DLG2: variants seen among roughly 807,000 people sequenced by gnomAD.
The protein encoded by DLG2 is discs large MAGUK scaffold protein 2, also known as disks large homolog 2.
DLG2 carries 45 observed loss-of-function variants against 132.5 expected under a neutral mutation model. The observed-to-expected ratio is 0.34, with a 90% CI of 0.27 to 0.44. DLG2 has a LOEUF of 0.44. Among genes scored for constraint, DLG2 ranks in the 20% least tolerant of loss-of-function variants. The pLI, the probability that DLG2 is intolerant of heterozygous loss-of-function variation, is 1.00. For missense variants in DLG2, 1,045 were observed against 1,196.9 expected (o/e 0.87, Z 1.87); for synonymous variants, 424 against 419.6 (o/e 1.01, Z -0.13).
intron 6 of DLG2, among the ~76,000 whole-genome samples, chr11:85,089,547 G>A (rs1412293535): frequency 6.6e-6 from 1 of 152,098 alleles, no homozygotes; most frequent in Non-Finnish European, 1.5e-5. Flanking sequence ...ACACCTAGGT[G>A]GATTCCGTGC....
intron 3 of DLG2, among the ~76,000 whole-genome samples, chr11:85,377,000 A>G (rs1217045668): frequency 6.6e-6 from 1 of 152,174 alleles, no homozygotes; most frequent in African/African-American, 2.4e-5. Flanking sequence ...TAATTCTCAA[A>G]CAACTCCATG....
At chr11:83,716,588 G>A (rs2086756981) in intron 18 of DLG2, among the ~76,000 whole-genome samples, 2 of 152,068 alleles carry the variant, frequency 1.3e-5, no homozygotes, top group Non-Finnish European at 1.5e-5. Flanking sequence ...CTTCAAAATG[G>A]ATCCCAAAAA....
chr11:85,067,824 C>A (rs2065158988), intron 6 of DLG2, among the ~76,000 whole-genome samples: 1 of 151,968 alleles, frequency 6.6e-6, no homozygotes, highest in Admixed American at 6.6e-5. Flanking sequence ...ATCCTGATAC[C>A]AAAGCCTGGG....
chr11:84,423,218 A>G (rs2098956220), intron 7 of DLG2, among the ~76,000 whole-genome samples: 3 of 152,154 alleles, frequency 2.0e-5, no homozygotes, highest in South Asian at 4.1e-4. Flanking sequence ...TTTAATGCCC[A>G]TAATTCTTCA....
At chr11:83,461,686 G>T in intron 27 of DLG2, 1 of 243,998 alleles carries the variant, frequency 4.1e-6, no homozygotes. Context: ...TGATATCAGG[G>T]AGATAGTTTA....
intron 7 of DLG2, among the ~76,000 whole-genome samples, chr11:84,501,386 G>A (rs964479183): frequency 2.6e-5 from 4 of 152,114 alleles, no homozygotes; most frequent in Non-Finnish European, 5.9e-5. Context: ...CCAACATGGC[G>A]AAAACCCGTC....
At chr11:84,119,325 C>G (rs936955729) in intron 9 of DLG2, among the ~76,000 whole-genome samples, 2 of 152,154 alleles carry the variant, frequency 1.3e-5, no homozygotes, top group Admixed American at 6.5e-5. Context: ...ACATATTGCT[C>G]TCATCCTAGG....
chr11:84,414,711 G>A (rs569367286), intron 7 of DLG2, among the ~76,000 whole-genome samples: 37 of 152,226 alleles, frequency 2.4e-4, no homozygotes, highest in South Asian at 1.7e-3. Flanking sequence ...AATATTATGC[G>A]ACTATTTACA....
intron 6 of DLG2, among the ~76,000 whole-genome samples, chr11:84,804,083 A>G (rs1017312473): frequency 2.0e-5 from 3 of 152,226 alleles, no homozygotes; most frequent in Non-Finnish European, 2.9e-5. Context: ...TACTATTAAG[A>G]ATGATGGATA....
At chr11:85,343,178 AT>A (rs2082612191) in intron 3 of DLG2, among the ~76,000 whole-genome samples, 2 of 152,180 alleles carry the variant, frequency 1.3e-5, no homozygotes, top group Non-Finnish European at 2.9e-5. Context: ...AGGTTTATGT[AT>A]TGCATTTGGT....
Position 84,558,011 on chromosome 11 carries a change from C to T in DLG2, c.358-23280G>A, listed in dbSNP as rs369298643. Among the ~76,000 whole-genome samples the T allele has an allele frequency of 1.1e-4, 17 of 152,122 alleles. No homozygotes were observed. The East Asian group carries it at 3.3e-3, about 29-fold the overall frequency. The stretch of plus-strand genomic sequence containing the variant: ...GAATTATCAAGAAAAACACTTATAA[C>T]GTGACTATATATCAGATTTGGAAAA... On this transcript the variant is annotated intron_variant, in intron 6 of 27. Transcript: ENST00000376104.
intron 3 of DLG2, among the ~76,000 whole-genome samples, chr11:85,578,205 C>T (rs926766662): frequency 6.6e-6 from 1 of 151,940 alleles, no homozygotes; most frequent in African/African-American, 2.4e-5. Flanking sequence ...AGACTAAAAC[C>T]AAACCCCCTA....
chr11:84,521,946 A>C (rs1243375405), intron 7 of DLG2, among the ~76,000 whole-genome samples: 1 of 152,150 alleles, frequency 6.6e-6, no homozygotes, highest in Non-Finnish European at 1.5e-5. Context: ...AGATCACCTG[A>C]GGTCAGGAGT....
chr11:83,502,906 CT>C (rs1197862828), intron 21 of DLG2, among the ~76,000 whole-genome samples: 1 of 152,078 alleles, frequency 6.6e-6, no homozygotes, highest in Non-Finnish European at 1.5e-5. Flanking sequence ...TGAACTTTCT[CT>C]TGTTAGAAGG....
At chr11:85,456,560 GGTT>G (rs1243644898) in intron 3 of DLG2, among the ~76,000 whole-genome samples, 2 of 152,082 alleles carry the variant, frequency 1.3e-5, no homozygotes, top group Admixed American at 6.6e-5. Flanking sequence ...TGTGATGTTA[GGTT>G]GTTAATTTTA....
At chr11:84,650,780 A>G (rs376251960) in intron 6 of DLG2, among the ~76,000 whole-genome samples, 1 of 149,652 alleles carries the variant, frequency 6.7e-6, no homozygotes, top group African/African-American at 2.5e-5. Flanking sequence ...GAGATGAACT[A>G]TATTTTATTG....
chr11:84,131,896 T>C (rs943160326), intron 9 of DLG2, among the ~76,000 whole-genome samples: 29 of 151,984 alleles, frequency 1.9e-4, no homozygotes, highest in African/African-American at 6.8e-4. Flanking sequence ...ATGTATGACA[T>C]TATGTTTCTG....
intron 6 of DLG2, among the ~76,000 whole-genome samples, chr11:84,644,803 T>C (rs1439142478): frequency 1.3e-5 from 2 of 151,838 alleles, no homozygotes; most frequent in African/African-American, 2.4e-5. Flanking sequence ...AATTCCTGTA[T>C]GTAGAAAATA....
chr11:83,714,360 C>CTAAA (rs2086199821), intron 18 of DLG2, among the ~76,000 whole-genome samples: 1 of 151,916 alleles, frequency 6.6e-6, no homozygotes, highest in Admixed American at 6.6e-5. Flanking sequence ...GGCTATCAAG[C>CTAAA]CTTTTAATGT....
Sources: gnomAD v4.1 joint callset for allele counts (sites outside exome capture counted in the v4.1 genomes callset) on GRCh38, gnomAD v4.1.1 for gene constraint, MANE v1.5 for transcripts, NCBI Gene and HGNC (gene_info 2026-07-23, HGNC 2026-07-21) for gene names.